SLC47A2: variants seen among roughly 807,000 people sequenced by gnomAD.
The protein encoded by SLC47A2 is solute carrier family 47 member 2, also known as multidrug and toxin extrusion protein 2.
Under a neutral mutation model 67.7 loss-of-function variants are expected in SLC47A2, and 52 were observed. That is an observed-to-expected ratio of 0.77 (90% confidence interval 0.61 to 0.97). The LOEUF is 0.97. Among genes scored for constraint, SLC47A2 ranks in the 50% least tolerant of loss-of-function variants. The pLI, the probability that SLC47A2 is intolerant of heterozygous loss-of-function variation, is 0.00. For synonymous variants in SLC47A2, 278 were observed against 292.9 expected (o/e 0.95, Z 0.52); for missense variants, 676 against 712.3 (o/e 0.95, Z 0.58).
chr17:19,715,106 G>A lies in SLC47A2; in HGVS notation c.225+10C>T. 1 of 1,610,520 alleles carries A rather than the reference G, an allele frequency of 6.2e-7. No individual in the cohort carries two copies. Among genetic ancestry groups the A allele is most frequent in the Non-Finnish European group, 8.5e-7 (1 of 1,179,428 alleles). On this transcript the variant is annotated intron_variant, in intron 2 of 16. Transcript: ENST00000433844. Reference sequence around the variant, plus strand: ...GAACGTCCCTGCTCTGGGCCAAGCTGGGTACTCACGGCCACCGCGAGGGTC... The same window carrying A: ...GAACGTCCCTGCTCTGGGCCAAGCTAGGTACTCACGGCCACCGCGAGGGTC...
intron 13 of SLC47A2, chr17:19,692,223 A>G (rs2085557395): frequency 8.1e-6 from 3 of 368,148 alleles, no homozygotes; most frequent in South Asian, 5.5e-5. Context: ...GCGAGACTCC[A>G]TGTCAAAAAA....
chr17:19,718,240 C>T (rs1370759730), upstream of SLC47A2: 1 of 152,292 alleles, frequency 6.6e-6, no homozygotes, highest in African/African-American at 2.4e-5. Context: ...TGGCCTTGGC[C>T]TGTCACCTCC....
Position 19,678,454 on chromosome 17 carries a change from T to C in SLC47A2, c.*232A>G, listed in dbSNP as rs1682889761. ...TCGTGCAGTTGGCTGATGTCTTCTG[T>C]AGAGCAGTCCAAGTCACAGAAGAAA... On this transcript the variant is annotated 3_prime_UTR_variant, in exon 17 of 17. Coordinates refer to ENST00000433844, the MANE Select transcript of SLC47A2 (RefSeq NM_001099646.3). 1.1e-5 allele frequency: 6 copies of C among 569,448 alleles called. No individual in the cohort carries two copies. The South Asian group carries it at 1.3e-4, about 13-fold the overall frequency. 35.3% of individuals were successfully genotyped at this position (569,448 alleles called of 1,614,324 possible).
intron 3 of SLC47A2, 109 bp from the exon 4 acceptor site, chr17:19,714,082 C>A (rs1409062906): frequency 1.4e-6 from 2 of 1,427,974 alleles, no homozygotes; most frequent in Non-Finnish European, 1.8e-6. Context: ...GCGGACCCGG[C>A]GGCCTCTGGT....
intron 9 of SLC47A2, 59 bp downstream of exon 9, chr17:19,706,589 G>T (rs1001589657): frequency 6.4e-6 from 9 of 1,397,452 alleles, no homozygotes; most frequent in Non-Finnish European, 8.7e-6. Flanking sequence ...TGGGGAGGGG[G>T]CTTCTGGGCT....
At position 19,709,816 on chromosome 17, in the gene SLC47A2, C is replaced by T. The variant is rs1379492267; in HGVS notation, c.487-1056G>A. 3.3e-5 allele frequency among the ~76,000 whole-genome samples: 5 copies of T among 152,258 alleles called. No individual in the cohort carries two copies. The East Asian group carries it at 9.7e-4, about 29-fold the overall frequency. ...AGAAGACACCACAGTGACATCTTTA[C>T]AGGGCATTTCCCCCCGACCCAGCCC... On this transcript the variant is annotated intron_variant, in intron 5 of 16. Transcript: ENST00000433844.
intron 13 of SLC47A2, 59 bp downstream of exon 13, chr17:19,702,544 AGG>A: frequency 6.2e-7 from 1 of 1,602,738 alleles, no homozygotes; most frequent in South Asian, 1.1e-5. Context: ...GGTCCTGGGG[AGG>A]GCACAAGTAC....
intron 13 of SLC47A2, among the ~76,000 whole-genome samples, chr17:19,695,828 A>G (rs568301745): frequency 2.4e-4 from 36 of 151,572 alleles, no homozygotes; most frequent in Admixed American, 5.9e-4. Flanking sequence ...GGTTCAAGCA[A>G]TTTTCCTGCC....
At position 19,680,743 on chromosome 17, in the gene SLC47A2, C is replaced by T. The variant is rs544895930; in HGVS notation, c.1392+624G>A. 1.1e-4 allele frequency among the ~76,000 whole-genome samples: 16 copies of T among 151,980 alleles called. 1 individual carries two copies. The South Asian group carries it at 2.7e-3, about 26-fold the overall frequency. ...TGACCCCTTCCAAAGTCAAGGCACA[C>T]GCTCGGGGGTTCATCTGGGTTCAGA... On this transcript the variant is annotated intron_variant, in intron 15 of 16. Transcript: ENST00000433844.
Position 19,713,406 on chromosome 17 carries a change from T to TC in SLC47A2, c.443+418_443+419insG, listed in dbSNP as rs199871329. ...CTGTCTCAAGTAATAATAATAATAA[T>TC]AATAATAATCATCATCATCATCATC... On this transcript the variant is annotated intron_variant, in intron 4 of 16. Coordinates refer to ENST00000433844, the MANE Select transcript of SLC47A2 (RefSeq NM_001099646.3). Among the ~76,000 whole-genome samples the TC allele has an allele frequency of 5.2e-3, 784 of 149,486 alleles. 5 individuals carry two copies. The highest frequency in any genetic ancestry group is 0.018 in the African/African-American group (716 of 39,720).
At chr17:19,703,045 C>T (rs897296913) in intron 12 of SLC47A2, 47 bp downstream of exon 12, 3 of 1,572,706 alleles carry the variant, frequency 1.9e-6, no homozygotes, top group Admixed American at 1.7e-5. Context: ...ACACTGGGAA[C>T]CACTTTGACA....
At chr17:19,718,664 A>G (rs1197860340), upstream of SLC47A2, 1 of 152,072 alleles carries the variant, frequency 6.6e-6, no homozygotes, top group Non-Finnish European at 1.5e-5. Context: ...TCAGAATTTC[A>G]ATCCCCAGAC....
Position 19,683,157 on chromosome 17 carries a change from T to G in SLC47A2, c.1165-1487A>C, listed in dbSNP as rs145179170. 3.6e-3 allele frequency among the ~76,000 whole-genome samples: 555 copies of G among 152,298 alleles called. 2 individuals are homozygous for G. The highest frequency in any genetic ancestry group is 7.9e-3 in the Admixed American group (121 of 15,294). ...CTAAAGACTTCTCCCAAATTATGAT[T>G]GATGTACCCTGGACCAGTGTTTCTC... On this transcript the variant is annotated intron_variant, in intron 13 of 16. Coordinates refer to ENST00000433844, the MANE Select transcript of SLC47A2 (RefSeq NM_001099646.3).
chr17:19,706,793 T>C (rs1262071241), intron 8 of SLC47A2, 32 bp from the exon 9 acceptor site: 1 of 1,526,710 alleles, frequency 6.6e-7, no homozygotes, highest in Non-Finnish European at 9.0e-7. Flanking sequence ...GCTGACAGCC[T>C]GCCCTGCTTG....
chr17:19,707,726 G>A lies in SLC47A2; in HGVS notation c.727+20C>T. On this transcript the variant is annotated intron_variant, in intron 8 of 16. Transcript: ENST00000433844. ...CACCGCTGGCCTGCTCAGCCTCCCA[G>A]AGCAGGCCAGGCCTCCCACCTGCCC... The A allele has an allele frequency of 6.4e-7, 1 of 1,569,198 alleles. No homozygotes were observed. Among genetic ancestry groups the A allele is most frequent in the South Asian group, 1.2e-5 (1 of 85,238 alleles).
At position 19,713,950 on chromosome 17, in the gene SLC47A2, C is replaced by A; in HGVS notation, c.318G>T (p.Lys106Asn). Residue 106 changes from lysine to asparagine, a missense_variant, in exon 4 of 17, where the codon AAG (lysine) becomes AAT (asparagine). Coordinates refer to ENST00000433844, the MANE Select transcript of SLC47A2 (RefSeq NM_001099646.3). ...CCCGCTGCAGGATCACGCCCACGTGCTTCTTGTTGGGGCTGCCGAAGCTCT... is the reference window on the plus strand; with the variant it reads ...CCCGCTGCAGGATCACGCCCACGTGATTCTTGTTGGGGCTGCCGAAGCTCT... Reference protein sequence around the residue: ...MSQSFGSPNKKHVGVILQRGA... With the variant: ...MSQSFGSPNKNHVGVILQRGA... The A allele has an allele frequency of 6.2e-7, 1 of 1,613,174 alleles. No homozygotes were observed.
intron 13 of SLC47A2, among the ~76,000 whole-genome samples, chr17:19,698,546 TC>T (rs2085715442): frequency 6.6e-6 from 1 of 152,158 alleles, no homozygotes; most frequent in East Asian, 1.9e-4. Flanking sequence ...GAGACAGGTT[TC>T]GCCATGTTGG....
intron 10 of SLC47A2, 77 bp from the exon 11 acceptor site, chr17:19,704,255 G>A (rs2085866895): frequency 1.4e-5 from 17 of 1,201,072 alleles, no homozygotes; most frequent in Non-Finnish European, 2.0e-5. Context: ...CCTGGGCCAA[G>A]AGGGACGTGA....
chr17:19,701,255 GGCCACAAATAT>G (rs1460433805), intron 13 of SLC47A2, among the ~76,000 whole-genome samples: 5 of 151,612 alleles, frequency 3.3e-5, no homozygotes, highest in African/African-American at 1.2e-4. Context: ...CCTTGATAAA[GGCCACAAATAT>G]GATGCCAGAA....
Sources: allele counts gnomAD v4.1 joint callset (sites outside exome capture counted in the v4.1 genomes callset), GRCh38; gene constraint gnomAD v4.1.1; transcripts MANE v1.5; gene names NCBI Gene and HGNC (gene_info 2026-07-23, HGNC 2026-07-21).